The following OAS1 variants were observed in gnomAD, a reference collection of about 807,000 sequenced individuals.
The protein encoded by OAS1 is 2'-5'-oligoadenylate synthetase 1.
Under a neutral mutation model 38.5 loss-of-function variants are expected in OAS1, and 24 were observed. That is an observed-to-expected ratio of 0.62 (90% CI 0.45 to 0.88). OAS1 has a LOEUF of 0.88. Ranked by LOEUF, OAS1 falls within the 40% of genes least tolerant of loss-of-function variation. The pLI, the probability that OAS1 is intolerant of heterozygous loss-of-function variation, is 0.00. For synonymous variants in OAS1, 169 were observed against 193.9 expected, an observed-to-expected ratio of 0.87 and a Z score of 1.07; for missense variants, 482 against 493.9, an observed-to-expected ratio of 0.98 and a Z score of 0.23.
At chr12:112,926,298 A>T (rs1418258847) in intron 6 of OAS1, among the ~76,000 whole-genome samples, 3 of 152,144 alleles carry the variant, frequency 2.0e-5, no homozygotes, top group Non-Finnish European at 4.4e-5. Context: ...CTAAAATTTT[A>T]TGTTAATAAA....
chr12:112,915,918 C>CTTAGTGTT, intron 3 of OAS1, among the ~76,000 whole-genome samples: 1 of 152,208 alleles, frequency 6.6e-6, no homozygotes, highest in Non-Finnish European at 1.5e-5. Flanking sequence ...GGTCATAACT[C>CTTAGTGTT]TTAGTGTTTT....
At chr12:112,916,863 TTGTAC>T in intron 4 of OAS1, 125 bp downstream of exon 4, 2 of 734,432 alleles carry the variant, frequency 2.7e-6, no homozygotes, top group East Asian at 5.2e-5. Flanking sequence ...TTGCCCATCA[TTGTAC>T]TGGGCATTTT....
chr12:112,911,447 G>A (rs565105942), intron 3 of OAS1, among the ~76,000 whole-genome samples: 6 of 152,002 alleles, frequency 3.9e-5, no homozygotes, highest in Admixed American at 6.5e-5. Context: ...GAAAGGAAGG[G>A]ATTTTGGTGT....
chr12:112,908,826 T>C lies in OAS1; in HGVS notation c.469+2T>C. ...TGCTGCCTGCCTTTGATGCCCTGGG[T>C]GAGAGCTCCCAGCTTCTTTTTCTCC... On this transcript the variant is annotated splice_donor_variant, in intron 2 of 5. Transcript: ENST00000202917. LOFTEE classifies it high-confidence loss of function. 1 of 1,573,684 alleles carries C rather than the reference T, an allele frequency of 6.4e-7. No homozygotes were observed. The highest frequency in any genetic ancestry group is 2.2e-5 in the East Asian group (1 of 44,508).
At position 112,907,031 on chromosome 12, in the gene OAS1, C is replaced by G. The variant is rs1216331315; in HGVS notation, c.-9C>G. On this transcript the variant is annotated 5_prime_UTR_variant, in exon 1 of 6. Transcript: ENST00000202917. ...GGAGGCAGTTCTGTTGCCACTCTCT[C>G]TCCTGTCAATGATGGATCTCAGAAA... The G allele has an allele frequency of 4.3e-6, 7 of 1,614,176 alleles. No homozygotes were observed. The Admixed American group carries it at 1.0e-4, about 23-fold the overall frequency.
At position 112,916,949 on chromosome 12, in the gene OAS1, G is replaced by C. The variant is rs866640975; in HGVS notation, c.884+211G>C. 5.5e-5 allele frequency: 30 copies of C among 547,128 alleles called. No individual in the cohort carries two copies. The African/African-American group carries it at 5.7e-4, about 10-fold the overall frequency. The allele number at this position is 547,128 out of a possible 1,614,324, so 33.9% of individuals were successfully genotyped here. On this transcript the variant is annotated intron_variant, in intron 4 of 5. Coordinates refer to ENST00000202917, the MANE Select transcript of OAS1 (RefSeq NM_016816.4). The stretch of plus-strand genomic sequence containing the variant: ...AGGCACTATGCCAATTATTTTACAG[G>C]TGAGTAAACTGAGGTTCTGAGAGGT...
chr12:112,911,757 G>A (rs1041306733), intron 3 of OAS1, among the ~76,000 whole-genome samples: 2 of 152,066 alleles, frequency 1.3e-5, no homozygotes, highest in South Asian at 2.1e-4. Flanking sequence ...AGAGTAACAC[G>A]GCATATAGTT....
chr12:112,917,957 T>C (rs1412372921), intron 5 of OAS1: 41 of 1,403,402 alleles, frequency 2.9e-5, no homozygotes, highest in Non-Finnish European at 3.3e-5. Context: ...ATTTATTGAC[T>C]GTCTGCTTCG....
chr12:112,906,987 A>G lies in OAS1; in HGVS notation c.-53A>G. 1 of 1,595,526 alleles carries G rather than the reference A, an allele frequency of 6.3e-7. No individual in the cohort carries two copies. Among genetic ancestry groups the G allele is most frequent in the Non-Finnish European group, 8.6e-7 (1 of 1,164,368 alleles). ...AGTCCAAGCTCAGTCAGCAGAAGAG[A>G]TAAAAGCAAACAGGTCTGGGAGGCA... On this transcript the variant is annotated 5_prime_UTR_variant, in exon 1 of 6. Coordinates refer to ENST00000202917, the MANE Select transcript of OAS1 (RefSeq NM_016816.4).
Position 112,919,500 on chromosome 12 carries a change from C to T in OAS1, c.1150C>T (p.Gln384Ter). 1 of 1,614,220 alleles carries T rather than the reference C, an allele frequency of 6.2e-7. No homozygotes were observed. The change falls in exon 6 of 6, where the codon CAG becomes TAG. Residue 384 changes from glutamine (Q) to a stop codon, truncating the protein, a stop_gained. Coordinates refer to ENST00000202917, the MANE Select transcript of OAS1 (RefSeq NM_016816.4). LOFTEE classifies it low-confidence loss of function (END_TRUNC). ...PHFSHRPSTL[Q>*]AASTPQAEED... ...TTTCTCTCATAGACCCAGCACACTC[C>T]AGGCAGCATCCACCCCACAGGCAGA...
downstream of OAS1, among the ~76,000 whole-genome samples, chr12:112,921,756 G>A (rs529130992): frequency 1.3e-5 from 2 of 152,230 alleles, no homozygotes; most frequent in East Asian, 3.9e-4. Flanking sequence ...TTAATAAAAG[G>A]GTGCTAATTT....
At chr12:112,909,442 T>G (rs2043346047) in intron 2 of OAS1, among the ~76,000 whole-genome samples, 1 of 152,200 alleles carries the variant, frequency 6.6e-6, no homozygotes, top group Non-Finnish European at 1.5e-5. Context: ...GAGGGTCGCT[T>G]GAGCCCAGGA....
At chr12:112,910,079 G>C (rs544003790) in intron 2 of OAS1, among the ~76,000 whole-genome samples, 1 of 152,178 alleles carries the variant, frequency 6.6e-6, no homozygotes, top group Admixed American at 6.5e-5. Context: ...AAAGACAAGA[G>C]GGAGAAGGCT....
At chr12:112,929,947 T>C (rs890943738) in intron 6 of OAS1, among the ~76,000 whole-genome samples, 4 of 152,330 alleles carry the variant, frequency 2.6e-5, no homozygotes, top group African/African-American at 7.2e-5. Flanking sequence ...TTTGAATGTA[T>C]GTCTCCACCC....
In OAS1 at chr12:112,919,756, C is replaced by A. The variant is rs989107904; in HGVS notation, c.*203C>A. On this transcript the variant is annotated 3_prime_UTR_variant, in exon 6 of 6. Coordinates refer to ENST00000202917, the MANE Select transcript of OAS1 (RefSeq NM_016816.4). Reference sequence around the variant, plus strand: ...ACATTCTCCACAGCCTCACTTCATTCCACCTATTCTCTGAAAATATTCCCT... The same window carrying A: ...ACATTCTCCACAGCCTCACTTCATTACACCTATTCTCTGAAAATATTCCCT... The A allele has an allele frequency of 2.5e-5, 36 of 1,452,724 alleles. No homozygotes were observed. The highest frequency in any genetic ancestry group is 2.6e-5 in the Non-Finnish European group (28 of 1,097,324). The allele number at this position is 1,452,724 out of a possible 1,614,324, so 90.0% of individuals were successfully genotyped here.
chr12:112,932,115 A>G (rs2043600962), exon 7 of OAS1: 2 of 565,984 alleles, frequency 3.5e-6, no homozygotes, highest in Non-Finnish European at 6.2e-6. Context: ...TCAATGCCCC[A>G]TATGAATACA....
chr12:112,920,751 G>T (rs1044694070), downstream of OAS1, among the ~76,000 whole-genome samples: 7 of 152,156 alleles, frequency 4.6e-5, no homozygotes, highest in Non-Finnish European at 8.8e-5. Context: ...CTGAGTTGCT[G>T]GTCACTTTTG....
intron 4 of OAS1, 121 bp from the exon 5 acceptor site, chr12:112,917,426 C>T: frequency 7.4e-7 from 1 of 1,354,734 alleles, no homozygotes; most frequent in Non-Finnish European, 1.0e-6. Flanking sequence ...CCAGGGAGCC[C>T]TTCCTCATGT....
chr12:112,916,539 C>A lies in OAS1; in HGVS notation c.685C>A (p.Gln229Lys), dbSNP rs557948067. ...GAAGAAGCTTGGGAAGCTGCCACCT[C>A]AGTATGCCCTGGAGCTCCTGACGGT... ...CKKKLGKLPP[Q>K]YALELLTVYA... is the part of the protein sequence containing the mutation. Residue 229 changes from glutamine (Q) to lysine (K), a missense_variant, in exon 4 of 6, where the codon CAG (glutamine) becomes AAG (lysine). Coordinates refer to ENST00000202917, the MANE Select transcript of OAS1 (RefSeq NM_016816.4). 1 of 1,614,180 alleles carries A rather than the reference C, an allele frequency of 6.2e-7. No homozygotes were observed. The highest frequency in any genetic ancestry group is 1.7e-5 in the Admixed American group (1 of 60,020).
Sources: allele counts gnomAD v4.1 joint callset (sites outside exome capture counted in the v4.1 genomes callset), GRCh38; gene constraint gnomAD v4.1.1; transcripts MANE v1.5; gene names NCBI Gene and HGNC (gene_info 2026-07-23, HGNC 2026-07-21).